Variants in KAT6B observed in about 807,000 individuals in gnomAD.
KAT6B encodes lysine acetyltransferase 6B, also known as histone acetyltransferase KAT6B.
Under a neutral mutation model 187.5 loss-of-function variants are expected in KAT6B, and 10 were observed. The ratio of observed to expected loss-of-function variants is 0.05; its 90% confidence interval spans 0.03 to 0.09. The LOEUF (loss-of-function observed/expected upper bound fraction) is 0.09, where lower values mean the gene tolerates loss of function less well. KAT6B is among the 10% of genes least tolerant of loss of function. KAT6B has a pLI of 1.00. For synonymous variants in KAT6B, 861 were observed against 926.8 expected, an observed-to-expected ratio of 0.93 and a Z score of 1.29; for missense variants, 1,952 against 2,558.9, an observed-to-expected ratio of 0.76 and a Z score of 5.12.
upstream of KAT6B, among the ~76,000 whole-genome samples, chr10:74,825,913 G>T (rs969899851): frequency 6.6e-6 from 1 of 151,232 alleles, no homozygotes; most frequent in African/African-American, 2.4e-5. The surrounding 1 kb of genome is among the most constrained non-coding windows in gnomAD (Gnocchi z 5.0). Context: ...GTAGTCGCCC[G>T]GGACGGGACG....
chr10:74,962,325 TA>T (rs1841155674), intron 4 of KAT6B, among the ~76,000 whole-genome samples: 1 of 152,108 alleles, frequency 6.6e-6, no homozygotes, highest in African/African-American at 2.4e-5. Flanking sequence ...TTGGTAATTC[TA>T]AGGAAAAAAG....
chr10:75,030,968 C>T lies in KAT6B; in HGVS notation c.6144C>T (p.Tyr2048=), dbSNP rs1230352993. The T allele has an allele frequency of 6.2e-7, 1 of 1,614,084 alleles. No homozygotes were observed. Among genetic ancestry groups the T allele is most frequent in the Non-Finnish European group, 8.5e-7 (1 of 1,180,044 alleles). The change falls in exon 18 of 18, where the codon TAC becomes TAT. Residue 2048 remains tyrosine, a synonymous_variant. Coordinates refer to ENST00000287239, the MANE Select transcript of KAT6B (RefSeq NM_012330.4). This position sits in a 1 kb window ranked among gnomAD's most constrained non-coding sequence, Gnocchi z 4.8. ...CCCCACCCCACGGTAACATGATGTACACGGCCCCCGGACATCACGGCTACA... is the reference window on the plus strand; with the variant it reads ...CCCCACCCCACGGTAACATGATGTATACGGCCCCCGGACATCACGGCTACA... ...MQTPPHGNMM[Y]TAPGHHGYMN...
chr10:74,989,753 TA>T (rs1843012536), intron 13 of KAT6B, among the ~76,000 whole-genome samples: 4 of 152,166 alleles, frequency 2.6e-5, no homozygotes, highest in Non-Finnish European at 5.9e-5. Context: ...ATAATGTTTT[TA>T]AAAATGGTAG....
chr10:74,831,724 T>C (rs575538435), intron 1 of KAT6B, among the ~76,000 whole-genome samples: 2 of 152,380 alleles, frequency 1.3e-5, no homozygotes, highest in East Asian at 3.9e-4. Flanking sequence ...GTTCCTGCTA[T>C]GTGTCTGCCA....
At position 74,864,249 on chromosome 10, in the gene KAT6B, T is replaced by G. The variant is rs944312245; in HGVS notation, c.621+20771T>G. On this transcript the variant is annotated intron_variant, in intron 3 of 17. Transcript: ENST00000287239. Reference sequence around the variant, plus strand: ...ATGCCCAGCTAATTTTTGTATTTTTTGTATTTTTTTGAGATGGAGTCTCAC... The same window carrying G: ...ATGCCCAGCTAATTTTTGTATTTTTGGTATTTTTTTGAGATGGAGTCTCAC... Among the ~76,000 whole-genome samples, 14 of 151,978 alleles carry G rather than the reference T, an allele frequency of 9.2e-5. 1 individual carries two copies. Among genetic ancestry groups the G allele is most frequent in the Non-Finnish European group, 1.6e-4 (11 of 67,988 alleles).
chr10:74,940,696 C>T (rs1849609730), intron 3 of KAT6B, among the ~76,000 whole-genome samples: 1 of 152,054 alleles, frequency 6.6e-6, no homozygotes, highest in African/African-American at 2.4e-5. Context: ...ATCCTCCCAC[C>T]TCAGTCTATC....
chr10:74,986,437 A>G (rs1456258558), intron 12 of KAT6B, among the ~76,000 whole-genome samples: 1 of 152,264 alleles, frequency 6.6e-6, no homozygotes, highest in African/African-American at 2.4e-5. Flanking sequence ...TGCACAATGT[A>G]AATGGGATGC....
chr10:74,906,840 T>C (rs531412780), intron 3 of KAT6B, among the ~76,000 whole-genome samples: 8 of 152,312 alleles, frequency 5.3e-5, no homozygotes, highest in African/African-American at 1.4e-4. Flanking sequence ...TTCTGGAGCG[T>C]CCGCCTCTGG....
intron 3 of KAT6B, among the ~76,000 whole-genome samples, chr10:74,864,673 C>G (rs183158039): frequency 5.3e-5 from 8 of 152,288 alleles, no homozygotes; most frequent in Admixed American, 1.3e-4. Flanking sequence ...TCCTGAGTAG[C>G]TGGGATTATA....
chr10:75,003,322 T>G (rs1200333163), intron 13 of KAT6B: 1 of 152,250 alleles, frequency 6.6e-6, no homozygotes, highest in East Asian at 1.9e-4. Flanking sequence ...AAATACCAGC[T>G]TTAGCCATAA....
intron 13 of KAT6B, among the ~76,000 whole-genome samples, chr10:74,994,803 TAA>T (rs79401012): frequency 2.8e-4 from 38 of 135,862 alleles, no homozygotes; most frequent in Admixed American, 6.7e-4. Context: ...CTTCATCTGT[TAA>T]AAAAAAAAAA....
At chr10:74,854,595 T>C (rs142694453) in intron 3 of KAT6B, among the ~76,000 whole-genome samples, 123 of 152,216 alleles carry the variant, frequency 8.1e-4, no homozygotes, top group African/African-American at 2.9e-3. Context: ...ACAAAGTAAA[T>C]ACTAATCACT....
chr10:74,914,155 C>G (rs534224141), intron 3 of KAT6B, among the ~76,000 whole-genome samples: 163 of 151,194 alleles, frequency 1.1e-3, no homozygotes, highest in Non-Finnish European at 1.7e-3. Context: ...CAGTGCACTC[C>G]AGCCTGGGTG....
At chr10:74,851,080 T>C (rs1238356607) in intron 3 of KAT6B, among the ~76,000 whole-genome samples, 2 of 151,972 alleles carry the variant, frequency 1.3e-5, no homozygotes, top group East Asian at 3.9e-4. Context: ...ACAAAAACAG[T>C]GATACTGTCA....
chr10:74,843,159 A>G lies in KAT6B; in HGVS notation c.302A>G (p.Asp101Gly). ...AAGGGGTCTAGAGGATCATGTAATG[A>G]TCTCCGCAATGTGGATTGGAATAAA... ...SAKGSRGSCN[D>G]LRNVDWNKLL... Residue 101 changes from aspartate to glycine, a missense_variant, in exon 3 of 18, where the codon GAT becomes GGT. By Grantham distance (94) the Asp-to-Gly change is moderately conservative. Coordinates refer to ENST00000287239, the MANE Select transcript of KAT6B (RefSeq NM_012330.4). The G allele has an allele frequency of 6.2e-7, 1 of 1,614,188 alleles. No individual in the cohort carries two copies. The highest frequency in any genetic ancestry group is 8.5e-7 in the Non-Finnish European group (1 of 1,180,032).
At chr10:74,919,924 G>A (rs1392427846) in intron 3 of KAT6B, among the ~76,000 whole-genome samples, 1 of 152,046 alleles carries the variant, frequency 6.6e-6, no homozygotes, top group Non-Finnish European at 1.5e-5. Flanking sequence ...ATAGTTCCCT[G>A]TTAAAACCAT....
At chr10:74,903,628 G>A (rs1043320753) in intron 3 of KAT6B, among the ~76,000 whole-genome samples, 1 of 152,180 alleles carries the variant, frequency 6.6e-6, no homozygotes, top group Non-Finnish European at 1.5e-5. Context: ...ATGGATAAGA[G>A]CAGAGTCTGG....
At chr10:74,923,098 GTTTA>G (rs1214971802) in intron 3 of KAT6B, among the ~76,000 whole-genome samples, 1 of 152,148 alleles carries the variant, frequency 6.6e-6, no homozygotes, top group Non-Finnish European at 1.5e-5. Context: ...TTAAGTTCTT[GTTTA>G]TTTATTGGGT....
At chr10:74,843,647 G>A (rs1037670514) in intron 3 of KAT6B, among the ~76,000 whole-genome samples, 169 bp downstream of exon 3, 1 of 152,166 alleles carries the variant, frequency 6.6e-6, no homozygotes, top group African/African-American at 2.4e-5. Flanking sequence ...ACTGCATTGT[G>A]TGGAGGACTT....
Sources: allele counts gnomAD v4.1 joint callset (sites outside exome capture counted in the v4.1 genomes callset), GRCh38; gene constraint gnomAD v4.1.1; non-coding constraint Gnocchi (gnomAD v3.1); transcripts MANE v1.5; gene names NCBI Gene and HGNC (gene_info 2026-07-23, HGNC 2026-07-21).